Variants in MRPS27 observed in about 807,000 individuals in gnomAD.
The protein encoded by MRPS27 is mitochondrial ribosomal protein S27, also known as small ribosomal subunit protein mS27.
Under a neutral mutation model 48.9 loss-of-function variants are expected in MRPS27, and 43 were observed. The ratio of observed to expected loss-of-function variants is 0.88; its 90% confidence interval spans 0.69 to 1.13. The LOEUF (loss-of-function observed/expected upper bound fraction) is 1.13. MRPS27 is among the 50% of genes most tolerant of loss of function. The probability of loss-of-function intolerance (pLI) is 0.00; values close to 1 mark genes in which losing one functional copy is unlikely to be tolerated. For synonymous variants in MRPS27, 188 were observed against 171.9 expected (o/e 1.09, Z -0.73); for missense variants, 467 against 476.3 (o/e 0.98, Z 0.18).
intron 4 of MRPS27, among the ~76,000 whole-genome samples, chr5:72,275,700 C>T (rs1013083003): frequency 1.3e-5 from 2 of 152,204 alleles, no homozygotes; most frequent in Admixed American, 1.3e-4. Flanking sequence ...GCCATGACAG[C>T]ATACCTGAAC....
chr5:72,270,510 T>C (rs887489869), intron 4 of MRPS27, among the ~76,000 whole-genome samples: 7 of 152,112 alleles, frequency 4.6e-5, no homozygotes, highest in Admixed American at 4.6e-4. Flanking sequence ...AAGTCATATC[T>C]ACTTTAAAAT....
intron 2 of MRPS27, among the ~76,000 whole-genome samples, chr5:72,301,073 G>A (rs564831389): frequency 3.3e-5 from 5 of 152,304 alleles, no homozygotes; most frequent in Admixed American, 2.6e-4. Flanking sequence ...CAAGTAATAA[G>A]GACACACCAG....
intron 4 of MRPS27, among the ~76,000 whole-genome samples, chr5:72,272,174 G>A (rs546478406): frequency 5.2e-4 from 79 of 152,276 alleles, no homozygotes; most frequent in African/African-American, 1.7e-3. Flanking sequence ...TTAGGTCTGC[G>A]GTCTGTCTCT....
intron 4 of MRPS27, among the ~76,000 whole-genome samples, chr5:72,259,987 T>A (rs1010784211): frequency 6.6e-6 from 1 of 152,240 alleles, no homozygotes; most frequent in African/African-American, 2.4e-5. Context: ...CTATATGCCT[T>A]TCTTCTTACT....
At chr5:72,230,257 C>T (rs1195380411) in intron 7 of MRPS27, among the ~76,000 whole-genome samples, 1 of 152,122 alleles carries the variant, frequency 6.6e-6, no homozygotes, top group Non-Finnish European at 1.5e-5. Flanking sequence ...TTCATCAATG[C>T]CTTCAAAGTT....
intron 1 of MRPS27, chr5:72,314,464 C>T (rs1231018752): frequency 9.7e-6 from 2 of 205,444 alleles, no homozygotes; most frequent in African/African-American, 2.3e-5. Context: ...AATCCCACTA[C>T]TGATCGGCAC....
chr5:72,269,376 T>C (rs1383267938), intron 4 of MRPS27, among the ~76,000 whole-genome samples: 56 of 152,228 alleles, frequency 3.7e-4, no homozygotes, highest in Non-Finnish European at 2.8e-4. Context: ...GGAGGAAATG[T>C]ATATTCAAAC....
At chr5:72,280,063 C>G (rs1199700843) in intron 4 of MRPS27, among the ~76,000 whole-genome samples, 1 of 152,188 alleles carries the variant, frequency 6.6e-6, no homozygotes, top group African/African-American at 2.4e-5. Context: ...TCTCTCTATT[C>G]TGCTCCACTA....
rs754280558 is a variant in MRPS27 at position 72,223,777 on chromosome 5, T to C, written c.911A>G (p.Asp304Gly). 6.2e-7 allele frequency: 1 copy of C among 1,614,028 alleles called. No individual in the cohort carries two copies. Among genetic ancestry groups the C allele is most frequent in the South Asian group, 1.1e-5 (1 of 91,074 alleles). The change falls in exon 10 of 11, where the codon GAT (aspartate) becomes GGT (glycine). Residue 304 changes from aspartate (D) to glycine (G), a missense_variant. Transcript: ENST00000261413. ...TTTTTCTGACCCCTGGTTGTCTTCATCATTTTGGGACTGCTCCTCTGAAGC... is the reference window on the plus strand; with the variant it reads ...TTTTTCTGACCCCTGGTTGTCTTCACCATTTTGGGACTGCTCCTCTGAAGC... Reference protein sequence around the residue: ...DGASEEQSQNDEDNQGSEKLV... With the variant: ...DGASEEQSQNGEDNQGSEKLV...
intron 4 of MRPS27, among the ~76,000 whole-genome samples, chr5:72,251,406 T>C (rs1394594730): frequency 6.6e-6 from 1 of 152,176 alleles, no homozygotes; most frequent in Non-Finnish European, 1.5e-5. Flanking sequence ...GGGTTTCTGA[T>C]CTTATTTATG....
rs535785838 is a variant in MRPS27 at position 72,230,676 on chromosome 5, T to C, written c.591+1767A>G. ...GTATCTCCAGTCCAGATCTTTCCAT[T>C]AAGCCCCCAGTTCCTTGGTGAAATC... On this transcript the variant is annotated intron_variant, in intron 7 of 10. Transcript: ENST00000261413. Among the ~76,000 whole-genome samples, 15 of 152,254 alleles carry C rather than the reference T, an allele frequency of 9.9e-5. No homozygotes were observed. The South Asian group carries it at 3.1e-3, about 32-fold the overall frequency.
chr5:72,224,726 T>C (rs550340347), intron 9 of MRPS27, among the ~76,000 whole-genome samples: 12 of 152,166 alleles, frequency 7.9e-5, no homozygotes, highest in Non-Finnish European at 1.6e-4. Flanking sequence ...TGAAATTCAT[T>C]TGAATGAGGT....
intron 4 of MRPS27, among the ~76,000 whole-genome samples, chr5:72,261,383 C>G (rs573490092): frequency 1.2e-4 from 18 of 152,232 alleles, no homozygotes; most frequent in African/African-American, 4.3e-4. Flanking sequence ...TCCCGAGTGG[C>G]TGGGATTACA....
chr5:72,287,791 G>C (rs1444516855), intron 4 of MRPS27, among the ~76,000 whole-genome samples: 1 of 152,254 alleles, frequency 6.6e-6, no homozygotes, highest in African/African-American at 2.4e-5. Flanking sequence ...AAATGTGGAG[G>C]AAGCGGAACT....
intron 5 of MRPS27, 56 bp from the exon 6 acceptor site, chr5:72,234,253 G>A: frequency 7.6e-7 from 1 of 1,310,578 alleles, no homozygotes; most frequent in Non-Finnish European, 1.0e-6. Flanking sequence ...AATTTAGTCT[G>A]TAATATATGC....
At position 72,220,713 on chromosome 5, in the gene MRPS27, G is replaced by T; in HGVS notation, c.*196C>A. 1 of 745,538 alleles carries T rather than the reference G, an allele frequency of 1.3e-6. No individual in the cohort carries two copies. Among genetic ancestry groups the T allele is most frequent in the Non-Finnish European group, 2.1e-6 (1 of 469,744 alleles). 46.2% of individuals were successfully genotyped at this position (745,538 alleles called of 1,614,324 possible). ...GCTGGTGACTTCAGTCTGACCACTA[G>T]CCACCTGCATAGTTCCATAGCCCTT... On this transcript the variant is annotated 3_prime_UTR_variant, in exon 11 of 11. Coordinates refer to ENST00000261413, the MANE Select transcript of MRPS27 (RefSeq NM_015084.3).
intron 4 of MRPS27, among the ~76,000 whole-genome samples, chr5:72,239,336 T>C (rs1748290895): frequency 6.6e-6 from 1 of 152,164 alleles, no homozygotes; most frequent in African/African-American, 2.4e-5. Flanking sequence ...TGAGAAATAG[T>C]ATTTAATTTA....
chr5:72,298,956 A>T (rs1369038096), intron 2 of MRPS27, among the ~76,000 whole-genome samples: 1 of 152,058 alleles, frequency 6.6e-6, no homozygotes, highest in Non-Finnish European at 1.5e-5. Context: ...AAATGAAACC[A>T]TGTCCTTTGC....
chr5:72,273,068 A>G (rs1459574774), intron 4 of MRPS27, among the ~76,000 whole-genome samples: 2 of 152,210 alleles, frequency 1.3e-5, no homozygotes, highest in East Asian at 1.9e-4. Context: ...CTAGGATCTT[A>G]TAAGATTATC....
Sources: gnomAD v4.1 joint callset for allele counts (sites outside exome capture counted in the v4.1 genomes callset) on GRCh38, gnomAD v4.1.1 for gene constraint, MANE v1.5 for transcripts, NCBI Gene and HGNC (gene_info 2026-07-23, HGNC 2026-07-21) for gene names.